Variants in AJM1 observed in about 807,000 individuals in gnomAD.
AJM1 encodes apical junction component 1 homolog.
Under a neutral mutation model 43.0 loss-of-function variants are expected in AJM1, and 22 were observed. That is an observed-to-expected ratio of 0.51 (90% CI 0.37 to 0.73). The LOEUF is 0.73. AJM1 is among the 30% of genes least tolerant of loss of function. The pLI is 0.00. For synonymous variants in AJM1, 719 were observed against 638.3 expected (o/e 1.13, Z -1.91); for missense variants, 1,305 against 1,343.3 (o/e 0.97, Z 0.45).
rs186155853 is a variant in AJM1, at chr9:136,847,603, C to G, written c.*258C>G. The G allele has an allele frequency of 4.7e-3, 1,894 of 399,210 alleles. 22 individuals carry two copies. The highest frequency in any genetic ancestry group is 0.034 in the African/African-American group (1,651 of 48,142). The allele number at this position is 399,210 out of a possible 1,614,324, so 24.7% of individuals were successfully genotyped here. ...CCTTCGCCTTCCCACCCCCAGCAAC[C>G]CCTCTCCCTCCTCCGGGCCTCCTCC... On this transcript the variant is annotated 3_prime_UTR_variant, in exon 3 of 3. Coordinates refer to ENST00000436881, the MANE Select transcript of AJM1 (RefSeq NM_001080482.5).
rs867535534 is a variant in AJM1 at position 136,846,841 on chromosome 9, A to G, written c.2427A>G (p.Ala809=). 6.3e-7 allele frequency: 1 copy of G among 1,586,458 alleles called. No homozygotes were observed. Among genetic ancestry groups the G allele is most frequent in the Middle Eastern group, 1.7e-4 (1 of 5,830 alleles). ...LAAAGRLYEP[A]ECFLLSVSVA... ...CCGCTGGGCGCCTCTACGAACCGGCAGAGTGCTTCCTGCTCAGCGTGTCCG... is the reference window on the plus strand; with the variant it reads ...CCGCTGGGCGCCTCTACGAACCGGCGGAGTGCTTCCTGCTCAGCGTGTCCG... Residue 809 remains alanine (A), a synonymous_variant, in exon 3 of 3, where the codon GCA becomes GCG. Coordinates refer to ENST00000436881, the MANE Select transcript of AJM1 (RefSeq NM_001080482.5).
At chr9:136,843,306 G>C (rs891547288) in intron 1 of AJM1, among the ~76,000 whole-genome samples, 2 of 152,252 alleles carry the variant, frequency 1.3e-5, no homozygotes, top group African/African-American at 2.4e-5. Flanking sequence ...TCACAGAGGG[G>C]TTGGCAGCCC....
In AJM1 at chr9:136,846,646, C is replaced by T; in HGVS notation, c.2232C>T (p.Phe744=). The T allele has an allele frequency of 6.3e-7, 1 of 1,598,566 alleles. No homozygotes were observed. The highest frequency in any genetic ancestry group is 1.3e-5 in the African/African-American group (1 of 74,858). The change falls in exon 3 of 3, where the codon TTC becomes TTT. Residue 744 remains phenylalanine, a synonymous_variant. Transcript: ENST00000436881. ...TCTCGCGCATCGCGCGTGTCGGCTT[C>T]CTGTCGCGCGGCCGCGGCGTGCTCT... ...RAFSRIARVG[F]LSRGRGVLFL... is the part of the protein sequence containing the mutation.
At position 136,845,916 on chromosome 9, in the gene AJM1, G is replaced by C; in HGVS notation, c.1502G>C (p.Arg501Thr). The C allele has an allele frequency of 1.3e-6, 2 of 1,557,456 alleles. No homozygotes were observed. Among genetic ancestry groups the C allele is most frequent in the Non-Finnish European group, 1.7e-6 (2 of 1,152,000 alleles). The change falls in exon 3 of 3, where the codon AGA becomes ACA. Residue 501 changes from arginine (R) to threonine (T), a missense_variant. Arg to Thr is a moderately conservative substitution (Grantham distance 71, BLOSUM62 -1). This residue lies in a region of AJM1 where 653 missense variants were observed against 549.1 expected (regional missense o/e 1.19). Coordinates refer to ENST00000436881, the MANE Select transcript of AJM1 (RefSeq NM_001080482.5). ...PVVVNLSTSP[R>T]RYAALSLSET... ...GTCGTGAACCTGTCCACCTCTCCCA[G>C]ACGCTACGCCGCACTGTCCCTGTCC... is the stretch of plus-strand genomic sequence containing the variant.
At position 136,845,674 on chromosome 9, in the gene AJM1, C is replaced by A; in HGVS notation, c.1260C>A (p.Pro420=). The A allele has an allele frequency of 6.3e-7, 1 of 1,575,726 alleles. No individual in the cohort carries two copies. Among genetic ancestry groups the A allele is most frequent in the East Asian group, 2.3e-5 (1 of 43,260 alleles). The change falls in exon 3 of 3, where the codon CCC becomes CCA. Residue 420 remains proline, a synonymous_variant. Transcript: ENST00000436881. Reference sequence around the variant, plus strand: ...TGCAAGTGGTGCCGCCCTCTGACCCCGACCCGTTGCTCGCCTCCTGGCACG... The same window carrying A: ...TGCAAGTGGTGCCGCCCTCTGACCCAGACCCGTTGCTCGCCTCCTGGCACG... ...RTLQVVPPSD[P]DPLLASWHGG... is the part of the protein sequence containing the mutation.
At position 136,845,859 on chromosome 9, in the gene AJM1, G is replaced by T; in HGVS notation, c.1445G>T (p.Gly482Val). The change falls in exon 3 of 3, where the codon GGC becomes GTC. Residue 482 changes from glycine (G) to valine (V), a missense_variant. Transcript: ENST00000436881. ...LLGREVREPRGVSPEGRRPPV... is the reference protein window; with the variant it reads ...LLGREVREPRVVSPEGRRPPV... The stretch of plus-strand genomic sequence containing the variant: ...GGGCGCGAGGTGCGGGAGCCGCGAG[G>T]CGTGTCCCCCGAAGGCCGGCGCCCG... The T allele has an allele frequency of 6.4e-7, 1 of 1,559,552 alleles. No homozygotes were observed. Among genetic ancestry groups the T allele is most frequent in the East Asian group, 2.4e-5 (1 of 41,412 alleles).
rs1265014822 is a variant in AJM1, at chr9:136,847,141, C to T, written c.2727C>T (p.Arg909=). 1 of 1,596,638 alleles carries T rather than the reference C, an allele frequency of 6.3e-7. No homozygotes were observed. The highest frequency in any genetic ancestry group is 8.5e-7 in the Non-Finnish European group (1 of 1,177,546). ...ACATCCAGCGCGAGCTGCGGCTGCG[C>T]GGCGTCTTCCTGCGCCACGAGTTCC... ...FIHIQRELRL[R]GVFLRHEFPR... is the part of the protein sequence containing the mutation. The change falls in exon 3 of 3, where the codon CGC becomes CGT. Residue 909 remains arginine, a synonymous_variant. Transcript: ENST00000436881.
rs1485688962 is a variant in AJM1 at position 136,844,647 on chromosome 9, C to T, written c.233C>T (p.Pro78Leu). The change falls in exon 3 of 3, where the codon CCG becomes CTG. Residue 78 changes from proline to leucine, a missense_variant. By Grantham distance (98) the Pro-to-Leu change is moderately conservative (BLOSUM62 -3). This residue lies in a region of AJM1 where 128 missense variants were observed against 120.6 expected (regional missense o/e 1.06). Coordinates refer to ENST00000436881, the MANE Select transcript of AJM1 (RefSeq NM_001080482.5). ...CCACCGCCGCCGGAGTCCGCTGTGC[C>T]GCGCGCCCGGACCCGCGAAGCCGAG... ...PEPPPPESAV[P>L]RARTREAEPR... 1 of 1,505,646 alleles carries T rather than the reference C, an allele frequency of 6.6e-7. No individual in the cohort carries two copies. Among genetic ancestry groups the T allele is most frequent in the South Asian group, 1.2e-5 (1 of 80,626 alleles). 93.3% of individuals were successfully genotyped at this position (1,505,646 alleles called of 1,614,324 possible). A position where few individuals can be genotyped will look rare whatever the true frequency, so the allele number is the denominator to read the frequency against.
In AJM1 at chr9:136,847,059, C is replaced by T. The variant is rs1409126070; in HGVS notation, c.2645C>T (p.Ala882Val). 2.9e-6 allele frequency: 4 copies of T among 1,399,064 alleles called. No individual in the cohort carries two copies. Among genetic ancestry groups the T allele is most frequent in the East Asian group, 2.9e-5 (1 of 34,764 alleles). 86.7% of individuals were successfully genotyped at this position (1,399,064 alleles called of 1,614,324 possible). The change falls in exon 3 of 3, where the codon GCG (alanine) becomes GTG (valine). Residue 882 changes from alanine (A) to valine (V), a missense_variant. Transcript: ENST00000436881. ...ATCCTGACGCCACCGCCGGGCACGG[C>T]GGGCCTGGATCAGGACGGCGAGGCG... Reference protein sequence around the residue: ...TLILTPPPGTAGLDQDGEAGR... With the variant: ...TLILTPPPGTVGLDQDGEAGR...
In AJM1 at chr9:136,846,381, G is replaced by T; in HGVS notation, c.1967G>T (p.Ser656Ile). Residue 656 changes from serine (S) to isoleucine (I), a missense_variant, in exon 3 of 3, where the codon AGC (serine) becomes ATC (isoleucine). Physicochemically the swap from Ser to Ile is moderately radical, Grantham distance 142 (BLOSUM62 -2). Coordinates refer to ENST00000436881, the MANE Select transcript of AJM1 (RefSeq NM_001080482.5). Reference sequence around the variant, plus strand: ...GCGGCCGACGCGTCCCCCGAACCCAGCGCCGACGAGGACGACCTGATGACC... The same window carrying T: ...GCGGCCGACGCGTCCCCCGAACCCATCGCCGACGAGGACGACCTGATGACC... ...GEAADASPEP[S>I]ADEDDLMTCS... 1 of 1,519,754 alleles carries T rather than the reference G, an allele frequency of 6.6e-7. No individual in the cohort carries two copies. The highest frequency in any genetic ancestry group is 8.8e-7 in the Non-Finnish European group (1 of 1,136,388). 94.1% of individuals were successfully genotyped at this position (1,519,754 alleles called of 1,614,324 possible).
chr9:136,847,405 G>C lies in AJM1; in HGVS notation c.*60G>C. The C allele has an allele frequency of 7.6e-7, 1 of 1,315,262 alleles. No homozygotes were observed. Among genetic ancestry groups the C allele is most frequent in the South Asian group, 1.6e-5 (1 of 60,822 alleles). The allele number at this position is 1,315,262 out of a possible 1,614,324, so 81.5% of individuals were successfully genotyped here. ...GCCCGAACCCTGCCCTGCCCACTCA[G>C]GCCCCGCCCGGCCCACCCAGGGCCG... On this transcript the variant is annotated 3_prime_UTR_variant, in exon 3 of 3. Coordinates refer to ENST00000436881, the MANE Select transcript of AJM1 (RefSeq NM_001080482.5).
At position 136,845,431 on chromosome 9, in the gene AJM1, G is replaced by A. The variant is rs1194601883; in HGVS notation, c.1017G>A (p.Pro339=). Residue 339 remains proline, a synonymous_variant, in exon 3 of 3, where the codon CCG becomes CCA. Transcript: ENST00000436881. The stretch of plus-strand genomic sequence containing the variant: ...TGCGCACCTTCCCAATCCAGGAACC[G>A]CCCTCCCGCTCCTACTATGGGGAGG... The part of the protein sequence containing the change: ...GEVRTFPIQE[P]PSRSYYGEAP... 3 of 1,611,924 alleles carry A rather than the reference G, an allele frequency of 1.9e-6. No homozygotes were observed. Among genetic ancestry groups the A allele is most frequent in the East Asian group, 4.5e-5 (2 of 44,842 alleles).
Position 136,847,421 on chromosome 9 carries a change from CCCAGGGCCGCCCCCGAGCCCCG to C in AJM1, c.*85_*106del, listed in dbSNP as rs1196058263. On this transcript the variant is annotated 3_prime_UTR_variant, in exon 3 of 3. Transcript: ENST00000436881. ...GCCCACTCAGGCCCCGCCCGGCCCA[CCCAGGGCCGCCCCCGAGCCCCG>C]CCAGGGCCCCACCCCGACTTCTTCT... The C allele has an allele frequency of 4.1e-4, 492 of 1,195,914 alleles. 3 individuals are homozygous for C. The African/African-American group carries it at 6.2e-3, about 15-fold the overall frequency. The allele number at this position is 1,195,914 out of a possible 1,614,324, so 74.1% of individuals were successfully genotyped here. A position where few individuals can be genotyped will look rare whatever the true frequency, so the allele number is the denominator to read the frequency against.
At position 136,845,677 on chromosome 9, in the gene AJM1, CCCGTTG is replaced by C; in HGVS notation, c.1265_1270del (p.Pro422_Leu423del). ...AAGTGGTGCCGCCCTCTGACCCCGA[CCCGTTG>C]CTCGCCTCCTGGCACGGCGGCACCG... On this transcript the variant is annotated inframe_deletion, in exon 3 of 3. Transcript: ENST00000436881. The C allele has an allele frequency of 6.3e-7, 1 of 1,575,922 alleles. No individual in the cohort carries two copies. Among genetic ancestry groups the C allele is most frequent in the Non-Finnish European group, 8.6e-7 (1 of 1,169,102 alleles).
chr9:136,845,332 C>G lies in AJM1; in HGVS notation c.918C>G (p.Tyr306Ter). ...ASPGPTFDAY[Y>*]PRPYPSEELS... ...CCGGCCCAACCTTCGACGCCTACTA[C>G]CCCAGGCCCTATCCGTCCGAGGAGC... Residue 306 changes from tyrosine (Y) to a stop codon, truncating the protein, a stop_gained, in exon 3 of 3, where the codon TAC (tyrosine) becomes TAG (stop). Transcript: ENST00000436881. LOFTEE classifies it high-confidence loss of function. The G allele has an allele frequency of 1.2e-6, 2 of 1,612,342 alleles. No homozygotes were observed. Among genetic ancestry groups the G allele is most frequent in the Non-Finnish European group, 1.7e-6 (2 of 1,179,824 alleles).
Position 136,848,311 on chromosome 9 carries a change from TGGAA to T in AJM1, c.*968_*971del, listed in dbSNP as rs1347593115. 6.6e-6 allele frequency: 1 copy of T among 152,258 alleles called. No individual in the cohort carries two copies. The highest frequency in any genetic ancestry group is 2.4e-5 in the African/African-American group (1 of 41,438). 9.4% of individuals were successfully genotyped at this position (152,258 alleles called of 1,614,324 possible). ...GAGGGAGAGAGCTAGTTGGTAAGCG[TGGAA>T]GCCCACCCGAGGGGGCTTGACCTGT... On this transcript the variant is annotated 3_prime_UTR_variant, in exon 3 of 3. Transcript: ENST00000436881.
chr9:136,845,514 C>T lies in AJM1; in HGVS notation c.1100C>T (p.Ala367Val). 1 of 1,598,986 alleles carries T rather than the reference C, an allele frequency of 6.3e-7. No individual in the cohort carries two copies. Among genetic ancestry groups the T allele is most frequent in the Non-Finnish European group, 8.5e-7 (1 of 1,173,864 alleles). The change falls in exon 3 of 3, where the codon GCC becomes GTC. Residue 367 changes from alanine (A) to valine (V), a missense_variant. Physicochemically the swap from Ala to Val is moderately conservative, Grantham distance 64 (BLOSUM62 0). Around this residue, in one of 6 missense-constraint regions of AJM1, gnomAD observed 653 missense variants for 549.1 expected, o/e 1.19. Transcript: ENST00000436881. ...CGCTATGTCCCCGAGGAGCCCCGGG[C>T]CCACTCCACCGCCCGCCCCTTTTAC... ...GPRYVPEEPR[A>V]HSTARPFYTE...
At chr9:136,842,817 C>T (rs1809231872) in intron 1 of AJM1, among the ~76,000 whole-genome samples, 2 of 152,218 alleles carry the variant, frequency 1.3e-5, no homozygotes, top group Middle Eastern at 3.4e-3. Context: ...GGGAGAGGGC[C>T]GACCCCACCC....
intron 1 of AJM1, among the ~76,000 whole-genome samples, chr9:136,842,922 G>T (rs533113153): frequency 6.6e-6 from 1 of 151,820 alleles, no homozygotes. Context: ...TCATCCGGCC[G>T]GATTCCGGCC....
Sources: allele counts gnomAD v4.1 joint callset (sites outside exome capture counted in the v4.1 genomes callset), GRCh38; gene constraint gnomAD v4.1.1; regional missense constraint gnomAD v4.1.1; transcripts MANE v1.5; gene names NCBI Gene and HGNC (gene_info 2026-07-23, HGNC 2026-07-21).